Variants in TRPM3 observed in about 807,000 individuals in gnomAD.
The protein encoded by TRPM3 is transient receptor potential cation channel subfamily M member 3, also known as long transient receptor potential channel 3.
Under a neutral mutation model 181.2 loss-of-function variants are expected in TRPM3, and 77 were observed. The ratio of observed to expected loss-of-function variants is 0.42; its 90% confidence interval spans 0.35 to 0.51. The LOEUF is 0.51. Ranked by LOEUF, TRPM3 falls within the 20% of genes least tolerant of loss-of-function variation. The pLI, the probability that TRPM3 is intolerant of heterozygous loss-of-function variation, is 0.01. For missense variants in TRPM3, 1,759 were observed against 2,196.7 expected, an observed-to-expected ratio of 0.80 and a Z score of 3.98; for synonymous variants, 745 against 796.4, an observed-to-expected ratio of 0.94 and a Z score of 1.09.
At chr9:71,435,062 C>CA (rs1563928707) in intron 1 of TRPM3, among the ~76,000 whole-genome samples, 1 of 151,914 alleles carries the variant, frequency 6.6e-6, no homozygotes, top group African/African-American at 2.4e-5. Flanking sequence ...TAAGAATATT[C>CA]AAAAAATTAT....
At chr9:70,985,992 A>T (rs912977368) in intron 1 of TRPM3, among the ~76,000 whole-genome samples, 10 of 152,196 alleles carry the variant, frequency 6.6e-5, no homozygotes, top group Non-Finnish European at 8.8e-5. Flanking sequence ...ATGATAAAAT[A>T]TTCCTTCCAG....
At chr9:70,842,715 G>T (rs1210311719) in intron 5 of TRPM3, among the ~76,000 whole-genome samples, 1 of 152,132 alleles carries the variant, frequency 6.6e-6, no homozygotes, top group African/African-American at 2.4e-5. Flanking sequence ...AAGAGTAATT[G>T]CAGGATTTGA....
At chr9:70,780,758 A>T (rs1347988843) in intron 7 of TRPM3, among the ~76,000 whole-genome samples, 2 of 152,194 alleles carry the variant, frequency 1.3e-5, no homozygotes, top group Admixed American at 1.3e-4. Flanking sequence ...TTTTATCATA[A>T]CACTACATAT....
chr9:71,282,883 A>G (rs1445521660), intron 1 of TRPM3, among the ~76,000 whole-genome samples: 1 of 152,142 alleles, frequency 6.6e-6, no homozygotes, highest in Non-Finnish European at 1.5e-5. Context: ...TTGAACTTGT[A>G]AGAATGTCTG....
chr9:70,893,638 A>T (rs2096243258), intron 1 of TRPM3, among the ~76,000 whole-genome samples: 1 of 151,014 alleles, frequency 6.6e-6, no homozygotes, highest in Non-Finnish European at 1.5e-5. Flanking sequence ...CTATACTCCT[A>T]TCTACTGAAA....
At chr9:70,678,944 C>T (rs2064739098) in intron 9 of TRPM3, among the ~76,000 whole-genome samples, 1 of 152,218 alleles carries the variant, frequency 6.6e-6, no homozygotes, top group African/African-American at 2.4e-5. Context: ...AAAGCCTTCG[C>T]AAAATAGAGT....
chr9:71,053,610 G>A (rs2060314368), intron 1 of TRPM3, among the ~76,000 whole-genome samples: 1 of 152,058 alleles, frequency 6.6e-6, no homozygotes, highest in African/African-American at 2.4e-5. Context: ...CAGCTCTGTT[G>A]GAGATTAGAG....
At position 71,446,518 on chromosome 9, in the gene TRPM3, T is replaced by C. The variant is rs1239295989; in HGVS notation, c.183+135A>G. On this transcript the variant is annotated intron_variant, in intron 1 of 24. Coordinates refer to the TRPM3 transcript ENST00000357533. The stretch of plus-strand genomic sequence containing the variant: ...CTTCCTCACAGCCCCCAGCACTCTA[T>C]TTCATTAGAAGCGGCGCCACAAGTT... The C allele has an allele frequency of 7.7e-6, 7 of 911,704 alleles. No individual in the cohort carries two copies. The South Asian group carries it at 1.1e-4, about 15-fold the overall frequency. 56.5% of individuals were successfully genotyped at this position (911,704 alleles called of 1,614,324 possible).
intron 1 of TRPM3, among the ~76,000 whole-genome samples, chr9:71,383,262 G>A (rs187611994): frequency 3.3e-5 from 5 of 152,158 alleles, no homozygotes; most frequent in South Asian, 2.1e-4. Flanking sequence ...TTCTTGACGC[G>A]TTGAAATATG....
intron 1 of TRPM3, among the ~76,000 whole-genome samples, chr9:70,871,398 C>T (rs935252895): frequency 1.3e-5 from 2 of 151,656 alleles, no homozygotes; most frequent in Non-Finnish European, 2.9e-5. Context: ...TTTTTTTACC[C>T]GATTCTCTCC....
rs185982194 is a variant in TRPM3, at chr9:70,979,231, G to A, written c.178-114720C>T. ...CTCTCCATTTGCCATTCCATTGCCC[G>A]TTAACCTACAGACCTGGCCAGACAT... On this transcript the variant is annotated intron_variant, in intron 1 of 25. Transcript: ENST00000677713. Among the ~76,000 whole-genome samples the A allele has an allele frequency of 1.3e-3, 200 of 152,170 alleles. 1 individual carries two copies. The highest frequency in any genetic ancestry group is 5.0e-4 in the Non-Finnish European group (34 of 68,002).
chr9:70,887,724 T>C (rs1164466959), intron 1 of TRPM3, among the ~76,000 whole-genome samples: 3 of 152,186 alleles, frequency 2.0e-5, no homozygotes, highest in African/African-American at 4.8e-5. Context: ...GGTTTCAACA[T>C]CTGTTTGTCA....
At chr9:71,075,680 A>G (rs1391630311) in intron 1 of TRPM3, among the ~76,000 whole-genome samples, 1 of 152,246 alleles carries the variant, frequency 6.6e-6, no homozygotes, top group Non-Finnish European at 1.5e-5. Context: ...CACAAACAAT[A>G]GATACCTGGG....
intron 8 of TRPM3, among the ~76,000 whole-genome samples, chr9:70,682,288 T>C (rs527977752): frequency 2.0e-5 from 3 of 152,214 alleles, no homozygotes; most frequent in South Asian, 4.2e-4. Flanking sequence ...AATATATGTA[T>C]TACATGAGGA....
chr9:70,786,453 C>G (rs1185135072), intron 6 of TRPM3, among the ~76,000 whole-genome samples: 1 of 151,812 alleles, frequency 6.6e-6, no homozygotes, highest in Non-Finnish European at 1.5e-5. Context: ...CGATTGTGCT[C>G]CAGCCTGGGC....
rs116281420 is a variant in TRPM3, at chr9:71,029,970, C to T, written c.177+91208G>A. Among the ~76,000 whole-genome samples the T allele has an allele frequency of 4.4e-3, 664 of 152,192 alleles. 8 individuals carry two copies. The highest frequency in any genetic ancestry group is 0.015 in the African/African-American group (643 of 41,532). On this transcript the variant is annotated intron_variant, in intron 1 of 25. Transcript: ENST00000677713. The stretch of plus-strand genomic sequence containing the variant: ...AGGAGCTACTCAAGGGGTCCAAGTA[C>T]GTGAAATCACATATTGAGGATTTCT...
intron 1 of TRPM3, among the ~76,000 whole-genome samples, chr9:71,101,415 T>A (rs779468267): frequency 1.3e-5 from 2 of 152,126 alleles, no homozygotes; most frequent in Middle Eastern, 3.2e-3. Flanking sequence ...CAATCTGAAA[T>A]GATTATTAAG....
Position 71,392,761 on chromosome 9 carries a change from G to A in TRPM3, c.183+53892C>T, listed in dbSNP as rs531280953. On this transcript the variant is annotated intron_variant, in intron 1 of 24. Transcript: ENST00000357533. The stretch of plus-strand genomic sequence containing the variant: ...TGCTATACTGTGAGTTTCTTGGGAA[G>A]CTACATCAAAATCACATTTGTACCC... 2.0e-5 allele frequency among the ~76,000 whole-genome samples: 3 copies of A among 152,190 alleles called. No individual in the cohort carries two copies. In the East Asian group the frequency reaches 5.8e-4, roughly 29 times the overall value.
In TRPM3 at chr9:70,800,074, A is replaced by G. The variant is rs562932493; in HGVS notation, c.974-15795T>C. Among the ~76,000 whole-genome samples, 3 of 152,308 alleles carry G rather than the reference A, an allele frequency of 2.0e-5. No individual in the cohort carries two copies. In the East Asian group the frequency reaches 5.8e-4, roughly 29 times the overall value. On this transcript the variant is annotated intron_variant, in intron 6 of 25. Coordinates refer to ENST00000677713, the MANE Select transcript of TRPM3 (RefSeq NM_001366145.2). ...TGAACAAAGTTGAGCCTCTGGTTCA[A>G]CACTGAACATGAACTATTTTTTTCA...
Sources: gnomAD v4.1 joint callset for allele counts (sites outside exome capture counted in the v4.1 genomes callset) on GRCh38, gnomAD v4.1.1 for gene constraint, MANE v1.5 for transcripts, NCBI Gene and HGNC (gene_info 2026-07-23, HGNC 2026-07-21) for gene names.